Variants in BBS9 observed in about 807,000 individuals in gnomAD.
BBS9 encodes protein PTHB1.
Under a neutral mutation model 117.7 loss-of-function variants are expected in BBS9, and 89 were observed. That is an observed-to-expected ratio of 0.76 (90% CI 0.64 to 0.90). BBS9 has a LOEUF of 0.90. Among genes scored for constraint, BBS9 ranks in the 40% least tolerant of loss-of-function variants. The pLI is 0.00. For synonymous variants in BBS9, 379 were observed against 370.9 expected (o/e 1.02, Z -0.25); for missense variants, 982 against 1,042.2 (o/e 0.94, Z 0.80).
chr7:33,335,616 T>C (rs1256876928), intron 9 of BBS9, among the ~76,000 whole-genome samples: 7 of 152,196 alleles, frequency 4.6e-5, no homozygotes, highest in Non-Finnish European at 1.0e-4. Flanking sequence ...AATTGTGTGC[T>C]AAAATTATCC....
intron 19 of BBS9, among the ~76,000 whole-genome samples, chr7:33,495,987 A>G (rs529199081): frequency 6.6e-6 from 1 of 152,258 alleles, no homozygotes; most frequent in African/African-American, 2.4e-5. Context: ...GCATTTTGCA[A>G]GTGTGGATTG....
At chr7:33,368,594 A>G (rs1430728554) in intron 17 of BBS9, among the ~76,000 whole-genome samples, 1 of 151,286 alleles carries the variant, frequency 6.6e-6, no homozygotes, top group African/African-American at 2.4e-5. Context: ...ACACACACAC[A>G]CACACACACA....
Position 33,419,168 on chromosome 7 carries a change from G to C in BBS9, c.2115+31024G>C, listed in dbSNP as rs1832484094. 2.0e-5 allele frequency among the ~76,000 whole-genome samples: 3 copies of C among 151,590 alleles called. No homozygotes were observed. The South Asian group carries it at 6.3e-4, about 32-fold the overall frequency. ...AGGTCTTGAGTAACCTTTTGCCCTTGCTACCTTAATTATTCTTCATCACAC... is the reference window on the plus strand; with the variant it reads ...AGGTCTTGAGTAACCTTTTGCCCTTCCTACCTTAATTATTCTTCATCACAC... On this transcript the variant is annotated intron_variant, in intron 19 of 22. Transcript: ENST00000242067.
chr7:33,438,555 T>C (rs1835654833), intron 19 of BBS9, among the ~76,000 whole-genome samples: 1 of 152,164 alleles, frequency 6.6e-6, no homozygotes, highest in South Asian at 2.1e-4. Context: ...TGCTTAACCT[T>C]GGTAGTAATC....
chr7:33,505,854 C>G (rs1846081909), intron 20 of BBS9: 2 of 576,288 alleles, frequency 3.5e-6, no homozygotes, highest in Middle Eastern at 9.4e-4. Context: ...GGTATATAGT[C>G]AATTTTTATG....
intron 17 of BBS9, among the ~76,000 whole-genome samples, chr7:33,370,514 C>T (rs952280691): frequency 6.6e-6 from 1 of 151,750 alleles, no homozygotes; most frequent in Admixed American, 6.6e-5. Flanking sequence ...ATGCTAGCAA[C>T]ATTTCTGAAA....
Position 33,269,587 on chromosome 7 carries a change from T to C in BBS9, c.703-3425T>C, listed in dbSNP as rs535442082. The stretch of plus-strand genomic sequence containing the variant: ...AGAGTGCAGCCTGGGAGTGCCAAGC[T>C]GTGATTTACAGCCAGCACAGAAGTG... On this transcript the variant is annotated intron_variant, in intron 7 of 22. Coordinates refer to ENST00000242067, the MANE Select transcript of BBS9 (RefSeq NM_198428.3). 2.0e-4 allele frequency among the ~76,000 whole-genome samples: 31 copies of C among 152,234 alleles called. 2 individuals are homozygous for C. In the South Asian group the frequency reaches 5.4e-3, roughly 26 times the overall value.
chr7:33,311,628 C>G (rs1809245896), intron 9 of BBS9, among the ~76,000 whole-genome samples: 1 of 152,078 alleles, frequency 6.6e-6, no homozygotes, highest in Admixed American at 6.6e-5. Context: ...ACCAGCCTGG[C>G]CAACATGAGA....
intron 5 of BBS9, among the ~76,000 whole-genome samples, chr7:33,231,825 C>T (rs60192620): frequency 0.17 from 25,989 of 151,850 alleles, 2,798 homozygotes; most frequent in East Asian, 0.44. Context: ...CTACCCTTGA[C>T]GCTGTTGACA....
Position 33,524,116 on chromosome 7 carries a change from A to C in BBS9, c.2299-9838A>C, listed in dbSNP as rs1185119049. On this transcript the variant is annotated intron_variant, in intron 20 of 22. Transcript: ENST00000242067. ...GATGAAGCCCACTTGATCATGGTGG[A>C]TAAGCTTTTTGATGTGCTGCTGGAT... 2.0e-3 allele frequency among the ~76,000 whole-genome samples: 257 copies of C among 127,470 alleles called. 2 individuals carry two copies. The highest frequency in any genetic ancestry group is 3.3e-4 in the Non-Finnish European group (20 of 60,622). 83.6% of individuals were successfully genotyped at this position (127,470 alleles called of 152,430 possible). A position where few individuals can be genotyped will look rare whatever the true frequency, so the allele number is the denominator to read the frequency against.
intron 5 of BBS9, among the ~76,000 whole-genome samples, chr7:33,250,326 T>A (rs148180970): frequency 4.7e-4 from 72 of 152,346 alleles, no homozygotes; most frequent in African/African-American, 1.7e-3. Flanking sequence ...GCTCAGTAAA[T>A]GGCTGTAGTA....
chr7:33,546,108 TA>T (rs1252499551), intron 21 of BBS9, among the ~76,000 whole-genome samples: 6 of 151,886 alleles, frequency 4.0e-5, no homozygotes, highest in Non-Finnish European at 8.8e-5. Context: ...TAATTTTTTG[TA>T]TTTTTAGTAG....
chr7:33,533,128 A>C (rs1212313566), intron 20 of BBS9, among the ~76,000 whole-genome samples: 2 of 151,184 alleles, frequency 1.3e-5, no homozygotes, highest in African/African-American at 2.4e-5. Flanking sequence ...TTTACCTCAT[A>C]CTCCTTGTTG....
At chr7:33,599,559 G>A (rs983100659) in intron 21 of BBS9, among the ~76,000 whole-genome samples, 2 of 152,158 alleles carry the variant, frequency 1.3e-5, no homozygotes, top group African/African-American at 4.8e-5. Context: ...TACATAATTT[G>A]ATTGTCAGCA....
chr7:33,369,694 A>G (rs915110508), intron 17 of BBS9, among the ~76,000 whole-genome samples: 13 of 152,294 alleles, frequency 8.5e-5, no homozygotes, highest in African/African-American at 2.9e-4. Context: ...GTATAAGGAG[A>G]GTGTACTTTT....
At chr7:33,531,686 G>A (rs1850601873) in intron 20 of BBS9, among the ~76,000 whole-genome samples, 1 of 152,168 alleles carries the variant, frequency 6.6e-6, no homozygotes, top group South Asian at 2.1e-4. Context: ...TAGAAGAGAG[G>A]TTAGATTTAT....
chr7:33,399,413 A>G (rs921049374), intron 19 of BBS9, among the ~76,000 whole-genome samples: 1 of 152,120 alleles, frequency 6.6e-6, no homozygotes, highest in African/African-American at 2.4e-5. Flanking sequence ...AATGTCATCA[A>G]ATTTTATGTC....
Position 33,383,832 on chromosome 7 carries a change from T to C in BBS9, c.1956T>C (p.His652=). 2 of 1,611,504 alleles carry C rather than the reference T, an allele frequency of 1.2e-6. No individual in the cohort carries two copies. Among genetic ancestry groups the C allele is most frequent in the Non-Finnish European group, 1.7e-6 (2 of 1,179,484 alleles). The part of the protein sequence containing the change: ...LQEYFELIDH[H]FELRINGEKL... ...AATATTTTGAGTTGATTGATCATCATTTTGAGGTATGTATGATCATAACCC... is the reference window on the plus strand; with the variant it reads ...AATATTTTGAGTTGATTGATCATCACTTTGAGGTATGTATGATCATAACCC... Residue 652 remains histidine (H), a synonymous_variant, in exon 18 of 23, where the codon CAT becomes CAC. Coordinates refer to ENST00000242067, the MANE Select transcript of BBS9 (RefSeq NM_198428.3).
At chr7:33,496,830 A>AAAGGCTTCTTACATGCCTGTCTGGCATG (rs1219439200) in intron 19 of BBS9, among the ~76,000 whole-genome samples, 1 of 152,200 alleles carries the variant, frequency 6.6e-6, no homozygotes, top group African/African-American at 2.4e-5. Flanking sequence ...CATTTAAACC[A>AAAGGCTTCTTACATGCCTGTCTGGCATG]TCTCCATGCC....
Sources: allele counts gnomAD v4.1 joint callset (sites outside exome capture counted in the v4.1 genomes callset), GRCh38; gene constraint gnomAD v4.1.1; transcripts MANE v1.5; gene names NCBI Gene and HGNC (gene_info 2026-07-23, HGNC 2026-07-21).